PXDNL: variants seen among roughly 807,000 people sequenced by gnomAD.
PXDNL encodes probable oxidoreductase PXDNL.
A neutral mutation model predicts 150.8 loss-of-function variants in PXDNL; 145 were observed. That is an observed-to-expected ratio of 0.96 (90% CI 0.84 to 1.10). PXDNL has a LOEUF of 1.10. Among genes scored for constraint, PXDNL ranks in the 50% least tolerant of loss-of-function variants. PXDNL has a pLI of 0.00. For missense variants in PXDNL, 2,087 were observed against 1,873.9 expected (o/e 1.11, Z -2.10); for synonymous variants, 757 against 725.7 (o/e 1.04, Z -0.69).
Position 51,453,662 on chromosome 8 carries a change from A to C in PXDNL, c.1106T>G (p.Leu369Trp), listed in dbSNP as rs1304493435. Reference sequence around the variant, plus strand: ...CACGTGCCTGGATCCATCCAGCTCCAATCCATTGTCCCTGGTCCAAGTGAT... The same window carrying C: ...CACGTGCCTGGATCCATCCAGCTCCCATCCATTGTCCCTGGTCCAAGTGAT... ...PLITWTRDNG[L>W]ELDGSRHVAT... Residue 369 changes from leucine to tryptophan, a missense_variant, in exon 10 of 23, where the codon TTG (leucine) becomes TGG (tryptophan). Leu to Trp is a moderately conservative substitution (Grantham distance 61). Coordinates refer to ENST00000356297, the MANE Select transcript of PXDNL (RefSeq NM_144651.5). The C allele has an allele frequency of 1.2e-6, 2 of 1,613,880 alleles. No homozygotes were observed. The highest frequency in any genetic ancestry group is 1.7e-6 in the Non-Finnish European group (2 of 1,179,888).
At chr8:51,528,696 G>T (rs756488272) in intron 4 of PXDNL, among the ~76,000 whole-genome samples, 1 of 152,180 alleles carries the variant, frequency 6.6e-6, no homozygotes, top group Non-Finnish European at 1.5e-5. Flanking sequence ...ATGTGGCAGA[G>T]GAAAAGGGCA....
intron 1 of PXDNL, among the ~76,000 whole-genome samples, chr8:51,688,143 A>C (rs1316363290): frequency 6.6e-6 from 1 of 152,170 alleles, no homozygotes; most frequent in African/African-American, 2.4e-5. Flanking sequence ...TACATGTCTT[A>C]ATATGACAAA....
At chr8:51,424,374 T>TA (rs995061284) in intron 13 of PXDNL, among the ~76,000 whole-genome samples, 5 of 151,730 alleles carry the variant, frequency 3.3e-5, no homozygotes, top group Non-Finnish European at 5.9e-5. Flanking sequence ...ATATCTAAAA[T>TA]AAAAAAAATA....
In PXDNL at chr8:51,475,139, C is replaced by T. The variant is rs199619104; in HGVS notation, c.527G>A (p.Arg176His). ...ACAAACCAGGGCGTTGGAATCCAGA[C>T]GCCTAGGCATGCAGGCAAGAAGTAC... ...FSNLDSLKRL[R>H]LDSNALVCDC... The change falls in exon 7 of 23, where the codon CGT (arginine) becomes CAT (histidine). Residue 176 changes from arginine to histidine, a missense_variant and splice_region_variant. Transcript: ENST00000356297. 9.9e-5 allele frequency: 160 copies of T among 1,611,152 alleles called. No homozygotes were observed. Among genetic ancestry groups the T allele is most frequent in the Admixed American group, 2.2e-4 (13 of 59,806 alleles).
At chr8:51,809,147 G>C (rs773808062) in intron 1 of PXDNL, 34 bp downstream of exon 1, 20 of 1,610,358 alleles carry the variant, frequency 1.2e-5, no homozygotes, top group Non-Finnish European at 1.4e-5. Flanking sequence ...AAGCATTGGG[G>C]AAGAGGGTTT....
intron 1 of PXDNL, among the ~76,000 whole-genome samples, chr8:51,695,656 G>A (rs28663283): frequency 0.011 from 1,618 of 152,204 alleles, 24 homozygotes; most frequent in African/African-American, 0.032. Context: ...GAAAATGGCA[G>A]CCATTTGTAT....
intron 2 of PXDNL, among the ~76,000 whole-genome samples, chr8:51,593,912 T>C (rs1813504321): frequency 6.6e-6 from 1 of 152,216 alleles, no homozygotes; most frequent in South Asian, 2.1e-4. Flanking sequence ...TTCAACTTTA[T>C]AGTCCACCAT....
intron 5 of PXDNL, among the ~76,000 whole-genome samples, chr8:51,497,098 T>C (rs774637697): frequency 3.3e-5 from 5 of 152,118 alleles, no homozygotes; most frequent in Admixed American, 2.0e-4. Flanking sequence ...CAGAGACCTA[T>C]GGAACAGAAC....
At position 51,408,791 on chromosome 8, in the gene PXDNL, C is replaced by A; in HGVS notation, c.2833G>T (p.Ala945Ser). 6.4e-7 allele frequency: 1 copy of A among 1,572,792 alleles called. No homozygotes were observed. The highest frequency in any genetic ancestry group is 8.6e-7 in the Non-Finnish European group (1 of 1,160,144). The change falls in exon 17 of 23, where the codon GCG becomes TCG. Residue 945 changes from alanine (A) to serine (S), a missense_variant. Coordinates refer to ENST00000356297, the MANE Select transcript of PXDNL (RefSeq NM_144651.5). ...CAGGGGCTCTCCTGCTCCTGTCGCG[C>A]GCACTCGGTGGGTGGGCCTGTAGAA... ...PFSTGPPTEC[A>S]RQEQESPCFL...
At chr8:51,676,827 G>A (rs1004787898) in intron 1 of PXDNL, among the ~76,000 whole-genome samples, 2 of 152,128 alleles carry the variant, frequency 1.3e-5, no homozygotes, top group Admixed American at 6.5e-5. Flanking sequence ...CAAGTAATAA[G>A]CATTCTTTGA....
At chr8:51,798,573 CAT>C (rs780407525) in intron 1 of PXDNL, among the ~76,000 whole-genome samples, 4 of 152,132 alleles carry the variant, frequency 2.6e-5, no homozygotes, top group East Asian at 1.9e-4. Flanking sequence ...AGTCAACAAA[CAT>C]ATGAAAAAAG....
intron 1 of PXDNL, among the ~76,000 whole-genome samples, chr8:51,786,475 T>C (rs2037461623): frequency 6.6e-6 from 1 of 152,052 alleles, no homozygotes; most frequent in South Asian, 2.1e-4. Flanking sequence ...TCCCAAAGTG[T>C]GGAAAAATAT....
At chr8:51,550,378 A>G (rs1157847519) in intron 4 of PXDNL, among the ~76,000 whole-genome samples, 1 of 152,138 alleles carries the variant, frequency 6.6e-6, no homozygotes, top group Non-Finnish European at 1.5e-5. Context: ...ATGATGTAAC[A>G]AAAAAAGAAA....
At chr8:51,576,431 G>A (rs1238339316) in intron 3 of PXDNL, among the ~76,000 whole-genome samples, 1 of 151,674 alleles carries the variant, frequency 6.6e-6, no homozygotes, top group Non-Finnish European at 1.5e-5. Flanking sequence ...AACAATCCCT[G>A]AGTCAGAAAA....
intron 19 of PXDNL, among the ~76,000 whole-genome samples, chr8:51,355,065 T>G (rs1159155202): frequency 6.6e-6 from 1 of 152,168 alleles, no homozygotes; most frequent in African/African-American, 2.4e-5. Flanking sequence ...TGGTGTTCTA[T>G]TAAAAATAGC....
At chr8:51,535,913 C>A (rs925056226) in intron 4 of PXDNL, among the ~76,000 whole-genome samples, 1 of 152,152 alleles carries the variant, frequency 6.6e-6, no homozygotes, top group Non-Finnish European at 1.5e-5. Context: ...TCCCTGCATT[C>A]GCTCTCTTTT....
At chr8:51,718,272 C>T (rs1343654015) in intron 1 of PXDNL, among the ~76,000 whole-genome samples, 3 of 151,894 alleles carry the variant, frequency 2.0e-5, no homozygotes, top group Non-Finnish European at 4.4e-5. Flanking sequence ...GGGCCAGGGA[C>T]TGAGGGGGAG....
At position 51,557,854 on chromosome 8, in the gene PXDNL, T is replaced by C. The variant is rs575128440; in HGVS notation, c.309-943A>G. Among the ~76,000 whole-genome samples, 14 of 152,276 alleles carry C rather than the reference T, an allele frequency of 9.2e-5. No homozygotes were observed. In the Middle Eastern group the frequency reaches 0.01, roughly 111 times the overall value. On this transcript the variant is annotated intron_variant, in intron 3 of 22. Transcript: ENST00000356297. Reference sequence around the variant, plus strand: ...AAGGGACTGATTTTCTATAATTTGCTTAGTTAAGCTTTTAAAGTTCCAAAC... The same window carrying C: ...AAGGGACTGATTTTCTATAATTTGCCTAGTTAAGCTTTTAAAGTTCCAAAC...
At chr8:51,331,767 T>G (rs1349293155) in intron 21 of PXDNL, among the ~76,000 whole-genome samples, 1 of 151,966 alleles carries the variant, frequency 6.6e-6, no homozygotes, top group Non-Finnish European at 1.5e-5. Context: ...ATAATCCTCC[T>G]AGGTACTAGG....
Sources: gnomAD v4.1 joint callset for allele counts (sites outside exome capture counted in the v4.1 genomes callset) on GRCh38, gnomAD v4.1.1 for gene constraint, MANE v1.5 for transcripts, NCBI Gene and HGNC (gene_info 2026-07-23, HGNC 2026-07-21) for gene names.